RYR2: variants seen among roughly 807,000 people sequenced by gnomAD.
RYR2 encodes cardiac muscle ryanodine receptor-calcium release channel.
In RYR2, 227 loss-of-function variants were observed where a neutral mutation model predicts 601.1. That is an observed-to-expected ratio of 0.38 (90% CI 0.34 to 0.42). The LOEUF (loss-of-function observed/expected upper bound fraction) is 0.42. Ranked by LOEUF, RYR2 falls within the 10% of genes least tolerant of loss-of-function variation. The pLI is 1.00. For synonymous variants in RYR2, 2,223 were observed against 2,175.1 expected, an observed-to-expected ratio of 1.02 and a Z score of -0.61; for missense variants, 4,646 against 6,156.5, an observed-to-expected ratio of 0.75 and a Z score of 8.21.
chr1:237,745,495 G>A (rs1334484636), intron 80 of RYR2, among the ~76,000 whole-genome samples: 1 of 152,172 alleles, frequency 6.6e-6, no homozygotes, highest in Non-Finnish European at 1.5e-5. Context: ...CAGAGAAGGT[G>A]TTGCTAGCCA....
At position 237,643,827 on chromosome 1, in the gene RYR2, G is replaced by A. The variant is rs561200978; in HGVS notation, c.7342+380G>A. ...GATGGGGTTTCACCGTGTTAGCCAG[G>A]ATGGTCTCGATCTCCTGACCTCGTG... is the stretch of plus-strand genomic sequence containing the variant. On this transcript the variant is annotated intron_variant, in intron 48 of 104. Coordinates refer to ENST00000366574, the MANE Select transcript of RYR2 (RefSeq NM_001035.3). 4.3e-3 allele frequency among the ~76,000 whole-genome samples: 653 copies of A among 152,184 alleles called. 8 individuals carry two copies. Among genetic ancestry groups the A allele is most frequent in the African/African-American group, 0.015 (616 of 41,532 alleles).
intron 80 of RYR2, chr1:237,743,466 G>T: frequency 3.6e-6 from 1 of 281,686 alleles, no homozygotes; most frequent in Non-Finnish European, 7.4e-6. Flanking sequence ...ATAAGAAAGT[G>T]AGGTCAGTTT....
At chr1:237,801,945 A>T in intron 98 of RYR2, 29 bp downstream of exon 98, 4 of 1,413,860 alleles carry the variant, frequency 2.8e-6, no homozygotes, top group Non-Finnish European at 4.0e-6. Flanking sequence ...CACAAAAGAA[A>T]ATGCACTCTG....
At chr1:237,173,929 C>T (rs559534857) in intron 1 of RYR2, among the ~76,000 whole-genome samples, 11 of 152,040 alleles carry the variant, frequency 7.2e-5, no homozygotes, top group Admixed American at 2.0e-4. Context: ...TGGTGGCGGG[C>T]GCCTGTAGTC....
chr1:237,132,076 G>T (rs566531642), intron 1 of RYR2, among the ~76,000 whole-genome samples: 1 of 152,268 alleles, frequency 6.6e-6, no homozygotes, highest in East Asian at 1.9e-4. Context: ...GGGTTGGTCT[G>T]TGTAACCAAA....
intron 2 of RYR2, among the ~76,000 whole-genome samples, chr1:237,317,313 A>T (rs919328391): frequency 2.0e-5 from 3 of 152,248 alleles, no homozygotes; most frequent in Non-Finnish European, 2.9e-5. Context: ...AAAATTAGTT[A>T]TATAGTTCTT....
At position 237,550,592 on chromosome 1, in the gene RYR2, G is replaced by T. The variant is rs1670289173; in HGVS notation, c.3115G>T (p.Asp1039Tyr). 1 of 1,606,188 alleles carries T rather than the reference G, an allele frequency of 6.2e-7. No individual in the cohort carries two copies. Among genetic ancestry groups the T allele is most frequent in the South Asian group, 1.1e-5 (1 of 89,174 alleles). Residue 1039 changes from aspartate to tyrosine, a missense_variant, in exon 27 of 105, where the codon GAT (aspartate) becomes TAT (tyrosine). Asp to Tyr is a radical substitution (Grantham distance 160). Transcript: ENST00000366574. ...NPRLVPYTLL[D>Y]DRTKKSNKDS... ...TCGCCTTGTTCCCTACACTCTTCTG[G>T]ATGACCGAACCAAGAAATCCAACAA...
At chr1:237,146,756 A>G (rs557795000) in intron 1 of RYR2, among the ~76,000 whole-genome samples, 5 of 152,260 alleles carry the variant, frequency 3.3e-5, no homozygotes, top group East Asian at 1.9e-4. Flanking sequence ...ATGCATTTTA[A>G]GTATTACCCT....
At position 237,627,786 on chromosome 1, in the gene RYR2, AT is replaced by A; in HGVS notation, c.6167-20del. The A allele has an allele frequency of 6.4e-7, 1 of 1,556,406 alleles. No individual in the cohort carries two copies. The highest frequency in any genetic ancestry group is 1.2e-5 in the South Asian group (1 of 85,046). ...TCTTCTCTTATTTTTCTTTTAAAAA[AT>A]ATCCATAATGACTTTGCAGCCACTC... On this transcript the variant is annotated intron_variant, in intron 40 of 104. Transcript: ENST00000366574.
rs1571935769 is a variant in RYR2, at chr1:237,127,466, G to A, written c.48+84897G>A. On this transcript the variant is annotated intron_variant, in intron 1 of 104. Coordinates refer to ENST00000366574, the MANE Select transcript of RYR2 (RefSeq NM_001035.3). ...GGGGCGGCTGGCCGGGCAGGGGGCTGACCCCCCCACCTCCTTCCCGGACGG... is the reference window on the plus strand; with the variant it reads ...GGGGCGGCTGGCCGGGCAGGGGGCTAACCCCCCCACCTCCTTCCCGGACGG... Among the ~76,000 whole-genome samples the A allele has an allele frequency of 2.0e-5, 3 of 148,880 alleles. 1 individual carries two copies. The East Asian group carries it at 6.2e-4, about 31-fold the overall frequency.
intron 14 of RYR2, among the ~76,000 whole-genome samples, chr1:237,450,976 A>G (rs892667241): frequency 2.0e-5 from 3 of 152,086 alleles, no homozygotes; most frequent in Admixed American, 1.3e-4. Flanking sequence ...AACTCCAGTA[A>G]TCATGTTTAT....
In RYR2 at chr1:237,344,653, ATT is replaced by A. The variant is rs1169339715; in HGVS notation, c.274-11309_274-11308del. On this transcript the variant is annotated intron_variant, in intron 3 of 104. Transcript: ENST00000366574. ...GAGTTCCTTATCACTGGGTGTTCAC[ATT>A]TTCTTATTTTTGTCTCTCATTTTAT... is the stretch of plus-strand genomic sequence containing the variant. 2.0e-5 allele frequency among the ~76,000 whole-genome samples: 3 copies of A among 151,754 alleles called. No individual in the cohort carries two copies. In the East Asian group the frequency reaches 5.8e-4, roughly 29 times the overall value.
intron 1 of RYR2, among the ~76,000 whole-genome samples, chr1:237,264,091 G>GCACACACACACACACA (rs34623856): frequency 2.0e-5 from 3 of 147,412 alleles, no homozygotes; most frequent in African/African-American, 5.0e-5. Flanking sequence ...ACATGCACAT[G>GCACACACACACACACA]CACACACACA....
At chr1:237,503,954 C>T (rs772167750) in intron 22 of RYR2, among the ~76,000 whole-genome samples, 2 of 152,162 alleles carry the variant, frequency 1.3e-5, no homozygotes, top group Admixed American at 6.5e-5. Context: ...GTGATCCACC[C>T]GCTTTGGCCT....
chr1:237,353,151 A>G (rs959691173), intron 3 of RYR2, among the ~76,000 whole-genome samples: 3 of 152,210 alleles, frequency 2.0e-5, no homozygotes, highest in African/African-American at 7.2e-5. Context: ...TAACAGAATT[A>G]TCCATCTTAA....
chr1:237,330,254 C>T (rs1696573213), intron 2 of RYR2, among the ~76,000 whole-genome samples: 1 of 152,154 alleles, frequency 6.6e-6, no homozygotes, highest in South Asian at 2.1e-4. Flanking sequence ...AGTAATAATC[C>T]TTACTATAGA....
intron 16 of RYR2, among the ~76,000 whole-genome samples, chr1:237,461,536 C>T (rs141523234): frequency 6.6e-6 from 1 of 152,208 alleles, no homozygotes; most frequent in East Asian, 1.9e-4. Flanking sequence ...CTTCTTTTCA[C>T]CTCTGATGTC....
At chr1:237,788,901 A>G (rs950619048) in intron 92 of RYR2, among the ~76,000 whole-genome samples, 2 of 152,078 alleles carry the variant, frequency 1.3e-5, no homozygotes, top group Non-Finnish European at 2.9e-5. Flanking sequence ...TGTCACATGT[A>G]TACACATATA....
intron 1 of RYR2, among the ~76,000 whole-genome samples, chr1:237,228,754 C>A (rs554955632): frequency 6.6e-6 from 1 of 152,198 alleles, no homozygotes; most frequent in East Asian, 1.9e-4. Context: ...ATAATAAAAA[C>A]CTTCCTCATA....
Sources: gnomAD v4.1 joint callset for allele counts (sites outside exome capture counted in the v4.1 genomes callset) on GRCh38, gnomAD v4.1.1 for gene constraint, MANE v1.5 for transcripts, NCBI Gene and HGNC (gene_info 2026-07-23, HGNC 2026-07-21) for gene names.